Variants in PPP1R13B observed in about 807,000 individuals in gnomAD.
The protein encoded by PPP1R13B is protein phosphatase 1 regulatory subunit 13B.
PPP1R13B carries 44 observed loss-of-function variants against 119.8 expected under a neutral mutation model. The observed-to-expected ratio is 0.37, with a 90% confidence interval of 0.29 to 0.47. PPP1R13B has a LOEUF of 0.47. Ranked by LOEUF, PPP1R13B falls within the 20% of genes least tolerant of loss-of-function variation. PPP1R13B has a pLI of 0.99. For missense variants in PPP1R13B, 1,227 were observed against 1,413.5 expected, an observed-to-expected ratio of 0.87 and a Z score of 2.12; for synonymous variants, 542 against 561.5, an observed-to-expected ratio of 0.97 and a Z score of 0.49.
chr14:103,806,251 T>G (rs905263055), intron 1 of PPP1R13B, among the ~76,000 whole-genome samples: 3 of 152,130 alleles, frequency 2.0e-5, no homozygotes, highest in African/African-American at 7.2e-5. Flanking sequence ...GAAACACATA[T>G]TTGCAGGAAA....
chr14:103,847,791 A>C (rs1477055433), upstream of PPP1R13B: 43 of 251,732 alleles, frequency 1.7e-4, no homozygotes, highest in East Asian at 7.5e-3. Flanking sequence ...GCGGACGCGC[A>C]GTGGGCACCG....
chr14:103,841,694 C>A (rs2086913229), intron 1 of PPP1R13B, among the ~76,000 whole-genome samples: 1 of 152,158 alleles, frequency 6.6e-6, no homozygotes, highest in South Asian at 2.1e-4. Flanking sequence ...TCACCTAATT[C>A]TTAATTAAAA....
chr14:103,843,241 G>A (rs2086949934), intron 1 of PPP1R13B, among the ~76,000 whole-genome samples: 1 of 152,018 alleles, frequency 6.6e-6, no homozygotes, highest in African/African-American at 2.4e-5. Flanking sequence ...AGGCATGGTG[G>A]TGTGCACATG....
Position 103,797,443 on chromosome 14 carries a change from G to C in PPP1R13B, c.85C>G (p.Arg29Gly), listed in dbSNP as rs557115649. 3.7e-6 allele frequency: 6 copies of C among 1,613,824 alleles called. No individual in the cohort carries two copies. Among genetic ancestry groups the C allele is most frequent in the South Asian group, 3.3e-5 (3 of 91,070 alleles). ...TCCTTGCAAAATTCTACAACATCTC[G>C]ACAGGTTGTTTCCGGTGTTATAGGA... is the stretch of plus-strand genomic sequence containing the variant. The part of the protein sequence containing the change: ...EVPITPETTC[R>G]DVVEFCKEPG... Residue 29 changes from arginine (R) to glycine (G), a missense_variant, in exon 2 of 17, where the codon CGA (arginine) becomes GGA (glycine). By Grantham distance (125) the Arg-to-Gly change is moderately radical. Transcript: ENST00000202556.
intron 2 of PPP1R13B, among the ~76,000 whole-genome samples, chr14:103,785,194 T>C (rs2085430160): frequency 6.6e-6 from 1 of 151,792 alleles, no homozygotes; most frequent in Non-Finnish European, 1.5e-5. Context: ...AAAACTTATT[T>C]ATCACAAAGC....
chr14:103,750,298 G>A (rs1373805648), intron 7 of PPP1R13B, among the ~76,000 whole-genome samples: 2 of 152,162 alleles, frequency 1.3e-5, no homozygotes, highest in African/African-American at 4.8e-5. Context: ...CCTTACTGTG[G>A]AGGCAGCAGG....
At chr14:103,845,248 A>G (rs2087002051) in intron 1 of PPP1R13B, among the ~76,000 whole-genome samples, 1 of 149,152 alleles carries the variant, frequency 6.7e-6, no homozygotes, top group South Asian at 2.1e-4. Context: ...ATAGTTTAAA[A>G]TATTACCAAG....
chr14:103,735,866 C>T (rs1454781792), intron 16 of PPP1R13B, 137 bp downstream of exon 16: 4 of 944,004 alleles, frequency 4.2e-6, no homozygotes, highest in South Asian at 3.3e-5. Flanking sequence ...GCCAAGTAGG[C>T]ACCTCCCCCT....
chr14:103,773,358 G>C (rs1034185326), intron 4 of PPP1R13B, among the ~76,000 whole-genome samples: 1 of 152,196 alleles, frequency 6.6e-6, no homozygotes, highest in Non-Finnish European at 1.5e-5. Context: ...GAATGTTCCA[G>C]AGCTGTTGAC....
intron 1 of PPP1R13B, among the ~76,000 whole-genome samples, chr14:103,802,892 C>T (rs2085933974): frequency 6.6e-6 from 1 of 152,172 alleles, no homozygotes; most frequent in South Asian, 2.1e-4. Flanking sequence ...TTTTATCACT[C>T]GCAATAACCC....
chr14:103,841,547 AC>A (rs983059822), intron 1 of PPP1R13B, among the ~76,000 whole-genome samples: 14 of 152,114 alleles, frequency 9.2e-5, no homozygotes, highest in African/African-American at 3.1e-4. Context: ...CCGAGATCAC[AC>A]CACTGCACTC....
At chr14:103,796,627 T>A (rs1595785918) in intron 2 of PPP1R13B, among the ~76,000 whole-genome samples, 1 of 152,290 alleles carries the variant, frequency 6.6e-6, no homozygotes, top group East Asian at 1.9e-4. Context: ...CCTAGGTTTA[T>A]ACTACTAAGA....
intron 5 of PPP1R13B, among the ~76,000 whole-genome samples, chr14:103,754,686 TATATC>T (rs1468736956): frequency 6.6e-6 from 1 of 152,138 alleles, no homozygotes; most frequent in Non-Finnish European, 1.5e-5. Context: ...AGAGGAATCT[TATATC>T]AGACCATAAA....
intron 4 of PPP1R13B, among the ~76,000 whole-genome samples, chr14:103,776,744 C>T (rs956546504): frequency 6.6e-5 from 10 of 151,740 alleles, no homozygotes; most frequent in Admixed American, 3.9e-4. Context: ...TGGCGGTGTG[C>T]GCCTGTAGTC....
intron 2 of PPP1R13B, among the ~76,000 whole-genome samples, chr14:103,787,265 A>G (rs1047667119): frequency 4.0e-5 from 6 of 151,178 alleles, no homozygotes; most frequent in Non-Finnish European, 7.4e-5. Flanking sequence ...CCTGGACAAC[A>G]TGGTGAAACC....
Position 103,847,323 on chromosome 14 carries a change from C to T in PPP1R13B, c.-16G>A. 1.6e-6 allele frequency: 2 copies of T among 1,237,346 alleles called. No individual in the cohort carries two copies. The highest frequency in any genetic ancestry group is 2.1e-6 in the Non-Finnish European group (2 of 969,900). The allele number at this position is 1,237,346 out of a possible 1,614,324, so 76.6% of individuals were successfully genotyped here. On this transcript the variant is annotated 5_prime_UTR_variant, in exon 1 of 17. Coordinates refer to ENST00000202556, the MANE Select transcript of PPP1R13B (RefSeq NM_015316.3). ...CCGGCATCATCGCGGGGAGAGTCCGCGACGCCCTCGGCCGCCGCCTGACAG... is the reference window on the plus strand; with the variant it reads ...CCGGCATCATCGCGGGGAGAGTCCGTGACGCCCTCGGCCGCCGCCTGACAG...
At chr14:103,799,746 T>C (rs559673735) in intron 1 of PPP1R13B, among the ~76,000 whole-genome samples, 198 of 151,548 alleles carry the variant, frequency 1.3e-3, no homozygotes, top group Non-Finnish European at 2.1e-3. Flanking sequence ...TTAAAAACAA[T>C]ACACCTAAAG....
At chr14:103,827,848 T>C (rs1305565948) in intron 1 of PPP1R13B, among the ~76,000 whole-genome samples, 3 of 152,076 alleles carry the variant, frequency 2.0e-5, no homozygotes, top group Admixed American at 1.3e-4. Context: ...GCAGCTACTA[T>C]TGCTATTATA....
At chr14:103,781,371 G>A (rs1224037643) in intron 3 of PPP1R13B, among the ~76,000 whole-genome samples, 1 of 152,146 alleles carries the variant, frequency 6.6e-6, no homozygotes, top group South Asian at 2.1e-4. Flanking sequence ...AGTAGATGAA[G>A]AGTTGAGCCC....
Sources: allele counts gnomAD v4.1 joint callset (sites outside exome capture counted in the v4.1 genomes callset), GRCh38; gene constraint gnomAD v4.1.1; transcripts MANE v1.5; gene names NCBI Gene and HGNC (gene_info 2026-07-23, HGNC 2026-07-21).